The following CATSPERE variants were observed in gnomAD, a reference collection of about 807,000 sequenced individuals.
The protein encoded by CATSPERE is cation channel sperm-associated auxiliary subunit epsilon.
In CATSPERE, 93 loss-of-function variants were observed where a neutral mutation model predicts 114.1. The ratio of observed to expected loss-of-function variants is 0.81; its 90% confidence interval spans 0.69 to 0.97. CATSPERE has a LOEUF of 0.97. Among genes scored for constraint, CATSPERE ranks in the 50% least tolerant of loss-of-function variants. The pLI, the probability that CATSPERE is intolerant of heterozygous loss-of-function variation, is 0.00. For missense variants in CATSPERE, 1,058 were observed against 1,131.6 expected (o/e 0.93, Z 0.93); for synonymous variants, 341 against 384.1 (o/e 0.89, Z 1.31).
chr1:244,550,072 G>A (rs1388732817), intron 8 of CATSPERE, among the ~76,000 whole-genome samples: 1 of 152,036 alleles, frequency 6.6e-6, no homozygotes, highest in Non-Finnish European at 1.5e-5. Flanking sequence ...CACACCACTG[G>A]CACCCCAGTT....
In CATSPERE at chr1:244,477,550, G is replaced by A. The variant is rs1205479730; in HGVS notation, c.124G>A (p.Glu42Lys). Residue 42 changes from glutamate to lysine, a missense_variant, in exon 3 of 22, where the codon GAG becomes AAG. By Grantham distance (56) the Glu-to-Lys change is moderately conservative. This residue lies in a region of CATSPERE where 271 missense variants were observed against 225.9 expected (regional missense o/e 1.20). Coordinates refer to ENST00000366534, the MANE Select transcript of CATSPERE (RefSeq NM_001130957.2). ...TTGTTTTCTTTTTTAGATTAAGTTA[G>A]AGTATGAAGGAACATTATTTACTGA... ...IFSTRSTIKL[E>K]YEGTLFTEWS... is the part of the protein sequence containing the mutation. 1.3e-6 allele frequency: 2 copies of A among 1,581,212 alleles called. No homozygotes were observed. Among genetic ancestry groups the A allele is most frequent in the African/African-American group, 1.3e-5 (1 of 74,122 alleles).
chr1:244,515,896 C>T (rs1423047100), intron 7 of CATSPERE, among the ~76,000 whole-genome samples: 3 of 150,138 alleles, frequency 2.0e-5, no homozygotes, highest in African/African-American at 7.3e-5. Flanking sequence ...AATAATAATG[C>T]TATTAAAAAT....
chr1:244,529,052 G>A (rs1007642885), intron 8 of CATSPERE, among the ~76,000 whole-genome samples: 1 of 152,032 alleles, frequency 6.6e-6, no homozygotes, highest in African/African-American at 2.4e-5. Flanking sequence ...GTGTATATGT[G>A]CCACATTTTC....
chr1:244,546,991 G>A (rs1360407695), intron 8 of CATSPERE, among the ~76,000 whole-genome samples: 1 of 152,104 alleles, frequency 6.6e-6, no homozygotes, highest in Non-Finnish European at 1.5e-5. Context: ...AAGGTCATCA[G>A]TCAGATTCAA....
rs560457381 is a variant in CATSPERE, at chr1:244,627,228, G to A, written c.2649-8261G>A. On this transcript the variant is annotated intron_variant, in intron 20 of 21. Transcript: ENST00000366534. Reference sequence around the variant, plus strand: ...ATTAAGTCCACTATCTTATATGGTCGCAGTTCATGGTGCACCAGGACACTT... The same window carrying A: ...ATTAAGTCCACTATCTTATATGGTCACAGTTCATGGTGCACCAGGACACTT... Among the ~76,000 whole-genome samples, 11 of 152,182 alleles carry A rather than the reference G, an allele frequency of 7.2e-5. No individual in the cohort carries two copies. In the East Asian group the frequency reaches 7.7e-4, roughly 11 times the overall value.
In CATSPERE at chr1:244,568,703, C is replaced by T. The variant is rs776519813; in HGVS notation, c.1508-3627C>T. Among the ~76,000 whole-genome samples, 2 of 152,118 alleles carry T rather than the reference C, an allele frequency of 1.3e-5. No homozygotes were observed. Among genetic ancestry groups the T allele is most frequent in the Non-Finnish European group, 2.9e-5 (2 of 68,004 alleles). ...CAGACGCTCCTACCCCCACCAAGTTCGGGTGTCCCAGGTCACTTCAGACTG... is the reference window on the plus strand; with the variant it reads ...CAGACGCTCCTACCCCCACCAAGTTTGGGTGTCCCAGGTCACTTCAGACTG... On this transcript the variant is annotated intron_variant, in intron 10 of 21. Coordinates refer to ENST00000366534, the MANE Select transcript of CATSPERE (RefSeq NM_001130957.2). The surrounding 1 kb of genome is among the most constrained non-coding windows in gnomAD (Gnocchi z 4.4).
chr1:244,571,071 T>G (rs976257429), intron 10 of CATSPERE, among the ~76,000 whole-genome samples: 16 of 152,206 alleles, frequency 1.1e-4, no homozygotes, highest in African/African-American at 3.9e-4. Flanking sequence ...AGTTTTAAAT[T>G]TTATATATCA....
intron 20 of CATSPERE, among the ~76,000 whole-genome samples, chr1:244,619,448 A>T (rs1015362813): frequency 2.0e-5 from 3 of 152,232 alleles, no homozygotes; most frequent in Non-Finnish European, 2.9e-5. Context: ...AATCATGATA[A>T]TCAATGCAGG....
chr1:244,614,411 A>T (rs941881903), intron 19 of CATSPERE, among the ~76,000 whole-genome samples: 1 of 152,234 alleles, frequency 6.6e-6, no homozygotes, highest in African/African-American at 2.4e-5. Context: ...CAAAGAATCT[A>T]TGACAAGCCT....
chr1:244,461,447 G>A lies in CATSPERE; in HGVS notation c.18G>A (p.Val6=). 1.4e-6 allele frequency: 2 copies of A among 1,388,952 alleles called. No homozygotes were observed. The highest frequency in any genetic ancestry group is 1.8e-5 in the South Asian group (1 of 56,834). The allele number at this position is 1,388,952 out of a possible 1,614,324, so 86.0% of individuals were successfully genotyped here. A position where few individuals can be genotyped will look rare whatever the true frequency, so the allele number is the denominator to read the frequency against. Residue 6 remains valine, a synonymous_variant, in exon 1 of 22, where the codon GTG becomes GTA. Coordinates refer to ENST00000366534, the MANE Select transcript of CATSPERE (RefSeq NM_001130957.2). Reference sequence around the variant, plus strand: ...CAGGCGCCATGTCAGCCCGGGAAGTGGCCGTGCTGCTGCTGTGGCTGAGCT... The same window carrying A: ...CAGGCGCCATGTCAGCCCGGGAAGTAGCCGTGCTGCTGCTGTGGCTGAGCT... MSARE[V]AVLLLWLSCY...
At chr1:244,490,423 T>G (rs774707083) in intron 5 of CATSPERE, 24 bp from the exon 6 acceptor site, 1 of 1,520,692 alleles carries the variant, frequency 6.6e-7, no homozygotes, top group South Asian at 1.2e-5. Flanking sequence ...TTTACTAAAA[T>G]ATGTTTCCTC....
At chr1:244,561,411 A>G (rs1310611146) in intron 10 of CATSPERE, among the ~76,000 whole-genome samples, 2 of 152,200 alleles carry the variant, frequency 1.3e-5, no homozygotes, top group African/African-American at 2.4e-5. Flanking sequence ...AGCAATTTAT[A>G]TATACATCGT....
At chr1:244,541,863 T>C (rs1658812788) in intron 8 of CATSPERE, among the ~76,000 whole-genome samples, 1 of 141,448 alleles carries the variant, frequency 7.1e-6, no homozygotes, top group Non-Finnish European at 1.5e-5. Flanking sequence ...TGTAGGGACA[T>C]GGATGAAATT....
At chr1:244,635,572 T>G (rs752338000) in intron 21 of CATSPERE, 30 bp downstream of exon 21, 6 of 1,559,354 alleles carry the variant, frequency 3.8e-6, no homozygotes, top group Non-Finnish European at 5.3e-6. Context: ...TGGACTTTAA[T>G]TAGGGAATTT....
intron 7 of CATSPERE, among the ~76,000 whole-genome samples, chr1:244,502,058 A>G (rs778247149): frequency 6.6e-6 from 1 of 152,126 alleles, no homozygotes; most frequent in Non-Finnish European, 1.5e-5. Flanking sequence ...CACTGCCTTC[A>G]AGATATCTGC....
intron 2 of CATSPERE, among the ~76,000 whole-genome samples, chr1:244,465,139 G>A (rs1342997150): frequency 1.3e-5 from 2 of 151,736 alleles, no homozygotes; most frequent in South Asian, 2.1e-4. Flanking sequence ...GGGTTCAAGC[G>A]ATTCTTCTGC....
intron 20 of CATSPERE, among the ~76,000 whole-genome samples, chr1:244,625,432 A>T (rs58059030): frequency 0.21 from 827 of 3,948 alleles, 170 homozygotes; most frequent in East Asian, 0.44. Context: ...ATATATATAT[A>T]TTTTTTTTTT....
In CATSPERE at chr1:244,583,953, G is replaced by A; in HGVS notation, c.2085+14G>A. ...ATAGCCCAAAAGGTAAGCGACATGG[G>A]CTGAAGACCCAAATATTTCACTTCA... On this transcript the variant is annotated intron_variant, in intron 13 of 21. Coordinates refer to ENST00000366534, the MANE Select transcript of CATSPERE (RefSeq NM_001130957.2). The A allele has an allele frequency of 6.2e-7, 1 of 1,611,308 alleles. No homozygotes were observed. Among genetic ancestry groups the A allele is most frequent in the Non-Finnish European group, 8.5e-7 (1 of 1,177,666 alleles).
At chr1:244,501,980 A>G (rs1323683019) in intron 7 of CATSPERE, among the ~76,000 whole-genome samples, 1 of 152,130 alleles carries the variant, frequency 6.6e-6, no homozygotes, top group East Asian at 1.9e-4. Flanking sequence ...TTCCCTGCAC[A>G]TCAACCGCGC....
Sources: gnomAD v4.1 joint callset for allele counts (sites outside exome capture counted in the v4.1 genomes callset) on GRCh38, gnomAD v4.1.1 for gene constraint, gnomAD v4.1.1 regional missense constraint, Gnocchi (gnomAD v3.1) non-coding constraint, MANE v1.5 for transcripts, NCBI Gene and HGNC (gene_info 2026-07-23, HGNC 2026-07-21) for gene names.